Variants in BMERB1 observed in about 807,000 individuals in gnomAD.
BMERB1 encodes the protein bMERB domain containing 1.
A neutral mutation model predicts 23.6 loss-of-function variants in BMERB1; 12 were observed. That is an observed-to-expected ratio of 0.51 (90% CI 0.33 to 0.82). The LOEUF (loss-of-function observed/expected upper bound fraction) is 0.82. Ranked by LOEUF, BMERB1 falls within the 40% of genes least tolerant of loss-of-function variation. The probability of loss-of-function intolerance (pLI) is 0.03; values close to 1 mark genes in which losing one functional copy is unlikely to be tolerated. For synonymous variants in BMERB1, 122 were observed against 96.6 expected, an observed-to-expected ratio of 1.26 and a Z score of -1.54; for missense variants, 247 against 255.4, an observed-to-expected ratio of 0.97 and a Z score of 0.22.
At chr16:15,485,134 T>G (rs1334394918) in intron 1 of BMERB1, among the ~76,000 whole-genome samples, 2 of 152,202 alleles carry the variant, frequency 1.3e-5, no homozygotes, top group Non-Finnish European at 2.9e-5. Context: ...TTGCCTCAAC[T>G]TGGATAATTT....
At chr16:15,524,087 C>T (rs941144752) in intron 2 of BMERB1, among the ~76,000 whole-genome samples, 1 of 152,160 alleles carries the variant, frequency 6.6e-6, no homozygotes, top group Non-Finnish European at 1.5e-5. Context: ...GAGCTTCAAG[C>T]CAAGGGCAAA....
rs138237442 is a variant in BMERB1 at position 15,492,812 on chromosome 16, G to A, written c.107-22493G>A. Among the ~76,000 whole-genome samples, 263 of 152,132 alleles carry A rather than the reference G, an allele frequency of 1.7e-3. 14 individuals are homozygous for A. In the South Asian group the frequency reaches 0.027, roughly 16 times the overall value. ...CACACACCTGTAGTCCCAGCTACTC[G>A]GGAGGCTAAGGCAGGAGAATCGCTT... On this transcript the variant is annotated intron_variant, in intron 1 of 5. Coordinates refer to ENST00000300006, the MANE Select transcript of BMERB1 (RefSeq NM_033201.3).
intron 2 of BMERB1, among the ~76,000 whole-genome samples, chr16:15,522,308 G>C (rs2051862787): frequency 6.6e-6 from 1 of 152,272 alleles, no homozygotes; most frequent in Admixed American, 6.5e-5. Context: ...TATTTCCAGA[G>C]CCTGGGCTTG....
In BMERB1 at chr16:15,568,023, A is replaced by G; in HGVS notation, c.271A>G (p.Lys91Glu). 6.2e-7 allele frequency: 1 copy of G among 1,614,048 alleles called. No individual in the cohort carries two copies. Among genetic ancestry groups the G allele is most frequent in the Non-Finnish European group, 8.5e-7 (1 of 1,179,922 alleles). The change falls in exon 3 of 6, where the codon AAG becomes GAG. Residue 91 changes from lysine to glutamate, a missense_variant. Transcript: ENST00000300006. ...IQLCKDIMDL[K>E]QELQNLVAIP... ...GCTCTGCAAGGACATCATGGACTTG[A>G]AGCAGGAGCTGCAGAACTTGGTCGC... is the stretch of plus-strand genomic sequence containing the variant.
chr16:15,480,908 G>A (rs937205906), intron 1 of BMERB1, among the ~76,000 whole-genome samples: 2 of 151,884 alleles, frequency 1.3e-5, no homozygotes, highest in African/African-American at 2.4e-5. Flanking sequence ...CACTGTGCCC[G>A]GCCAGGAATT....
At chr16:15,528,225 C>G (rs1229806438) in intron 2 of BMERB1, among the ~76,000 whole-genome samples, 1 of 152,054 alleles carries the variant, frequency 6.6e-6, no homozygotes, top group Non-Finnish European at 1.5e-5. Flanking sequence ...AGGGCTCATT[C>G]TCTGCTTCCA....
intron 1 of BMERB1, among the ~76,000 whole-genome samples, chr16:15,470,488 A>G (rs2051219084): frequency 6.6e-6 from 1 of 151,394 alleles, no homozygotes; most frequent in African/African-American, 2.4e-5. Context: ...GTAATACAAG[A>G]TTCATAAAAT....
At chr16:15,484,188 A>G (rs1348120904) in intron 1 of BMERB1, among the ~76,000 whole-genome samples, 3 of 152,172 alleles carry the variant, frequency 2.0e-5, no homozygotes, top group African/African-American at 7.2e-5. Context: ...AACACCTCTC[A>G]ACAGGCCCCA....
chr16:15,547,845 A>G (rs148815318), intron 2 of BMERB1, among the ~76,000 whole-genome samples: 2 of 152,314 alleles, frequency 1.3e-5, no homozygotes, highest in Middle Eastern at 3.4e-3. Flanking sequence ...CGATGGAGCC[A>G]CTTAACCTCT....
intron 1 of BMERB1, among the ~76,000 whole-genome samples, chr16:15,451,673 C>T (rs1344024968): frequency 6.6e-6 from 1 of 150,576 alleles, no homozygotes; most frequent in Non-Finnish European, 1.5e-5. Context: ...ATTCTCCCAC[C>T]TCAGTCTCCT....
At chr16:15,489,602 A>G (rs1016740930) in intron 1 of BMERB1, among the ~76,000 whole-genome samples, 4 of 152,140 alleles carry the variant, frequency 2.6e-5, no homozygotes, top group African/African-American at 9.7e-5. Flanking sequence ...AGCCTGGGTC[A>G]ACCACTCACC....
rs146181950 is a variant in BMERB1 at position 15,474,725 on chromosome 16, A to G, written c.106+39966A>G. ...TTTTTTTGAGATGGAGTCTTGCTCTATTGCCCAGGCTGGAGTGCAATGGTA... is the reference window on the plus strand; with the variant it reads ...TTTTTTTGAGATGGAGTCTTGCTCTGTTGCCCAGGCTGGAGTGCAATGGTA... On this transcript the variant is annotated intron_variant, in intron 1 of 5. Coordinates refer to ENST00000300006, the MANE Select transcript of BMERB1 (RefSeq NM_033201.3). 1.1e-3 allele frequency among the ~76,000 whole-genome samples: 162 copies of G among 150,180 alleles called. 1 individual carries two copies. The highest frequency in any genetic ancestry group is 3.5e-3 in the Middle Eastern group (1 of 288).
intron 1 of BMERB1, among the ~76,000 whole-genome samples, chr16:15,512,490 A>G (rs926042202): frequency 3.9e-5 from 6 of 151,990 alleles, no homozygotes; most frequent in African/African-American, 1.4e-4. Flanking sequence ...CCTGTAAGTA[A>G]TCCCAGCATT....
chr16:15,492,745 C>T (rs912966094), intron 1 of BMERB1, among the ~76,000 whole-genome samples: 1 of 151,910 alleles, frequency 6.6e-6, no homozygotes, highest in African/African-American at 2.4e-5. Flanking sequence ...ATGGCGAAAC[C>T]TTGTCTCTAC....
chr16:15,563,418 A>G (rs969205472), intron 2 of BMERB1, among the ~76,000 whole-genome samples: 4 of 151,820 alleles, frequency 2.6e-5, no homozygotes, highest in Non-Finnish European at 4.4e-5. Context: ...ACGGGGTTTC[A>G]CCATGTTAGA....
intron 1 of BMERB1, among the ~76,000 whole-genome samples, chr16:15,440,616 A>G (rs1470374022): frequency 2.0e-5 from 3 of 152,086 alleles, no homozygotes; most frequent in African/African-American, 7.2e-5. Flanking sequence ...CATGTACTTT[A>G]TAAAAAATTT....
chr16:15,453,552 A>G (rs1307898410), intron 1 of BMERB1, among the ~76,000 whole-genome samples: 4 of 152,172 alleles, frequency 2.6e-5, no homozygotes, highest in Admixed American at 2.6e-4. Flanking sequence ...ACTGCACTCC[A>G]GCCTGGGCAA....
intron 3 of BMERB1, among the ~76,000 whole-genome samples, chr16:15,581,015 C>T (rs893857106): frequency 5.3e-5 from 8 of 151,550 alleles, no homozygotes; most frequent in African/African-American, 1.2e-4. Context: ...TCCCGCCTCC[C>T]GAGGTGGTGG....
intron 1 of BMERB1, among the ~76,000 whole-genome samples, chr16:15,480,019 A>G (rs1418364086): frequency 1.4e-5 from 2 of 147,510 alleles, no homozygotes; most frequent in Non-Finnish European, 3.0e-5. Flanking sequence ...TATAATATAT[A>G]TATAATATAT....
Sources: gnomAD v4.1 joint callset for allele counts (sites outside exome capture counted in the v4.1 genomes callset) on GRCh38, gnomAD v4.1.1 for gene constraint, MANE v1.5 for transcripts, NCBI Gene and HGNC (gene_info 2026-07-23, HGNC 2026-07-21) for gene names.